Variants in RNF157 observed in about 807,000 individuals in gnomAD.
RNF157 encodes E3 ubiquitin ligase RNF157.
RNF157 carries 55 observed loss-of-function variants against 88.3 expected under a neutral mutation model. The observed-to-expected ratio is 0.62, with a 90% CI of 0.50 to 0.78. The LOEUF (loss-of-function observed/expected upper bound fraction) is 0.78. Ranked by LOEUF, RNF157 falls within the 30% of genes least tolerant of loss-of-function variation. The pLI, the probability that RNF157 is intolerant of heterozygous loss-of-function variation, is 0.00. For missense variants in RNF157, 788 were observed against 860.8 expected (o/e 0.92, Z 1.06); for synonymous variants, 334 against 341.2 (o/e 0.98, Z 0.23).
In RNF157 at chr17:76,205,326, G is replaced by A. The variant is rs560152646; in HGVS notation, c.207+7038C>T. 2.3e-4 allele frequency among the ~76,000 whole-genome samples: 35 copies of A among 151,196 alleles called. No individual in the cohort carries two copies. The South Asian group carries it at 2.7e-3, about 12-fold the overall frequency. The stretch of plus-strand genomic sequence containing the variant: ...GCTAATTTTTTTTTGTAGAGTCGGG[G>A]TTTTGCTATGTTGCCCAGGCTGGTC... On this transcript the variant is annotated intron_variant, in intron 2 of 18. Coordinates refer to ENST00000269391, the MANE Select transcript of RNF157 (RefSeq NM_052916.3).
chr17:76,168,066 A>G (rs1441820666), intron 3 of RNF157, among the ~76,000 whole-genome samples: 1 of 152,104 alleles, frequency 6.6e-6, no homozygotes, highest in African/African-American at 2.4e-5. Context: ...CATAGTTTAA[A>G]TAGTTTCCTC....
At chr17:76,216,677 A>C (rs1009869271) in intron 1 of RNF157, among the ~76,000 whole-genome samples, 1 of 152,124 alleles carries the variant, frequency 6.6e-6, no homozygotes, top group Non-Finnish European at 1.5e-5. Flanking sequence ...ATCTATATCT[A>C]CTGACATTAA....
At position 76,158,450 on chromosome 17, in the gene RNF157, G is replaced by A. The variant is rs1370348087; in HGVS notation, c.1356C>T (p.Ser452=). 14 of 1,613,998 alleles carry A rather than the reference G, an allele frequency of 8.7e-6. No individual in the cohort carries two copies. Among genetic ancestry groups the A allele is most frequent in the Non-Finnish European group, 1.0e-5 (12 of 1,179,938 alleles). Reference sequence around the variant, plus strand: ...AGAGCTGTGTCTCCGACTCGCTGCAGGAATGCTCATCTTCCTCTTCATGCA... The same window carrying A: ...AGAGCTGTGTCTCCGACTCGCTGCAAGAATGCTCATCTTCCTCTTCATGCA... ...SVLHEEEDEH[S]CSESETQLSQ... Residue 452 remains serine (S), a synonymous_variant, in exon 13 of 19, where the codon TCC becomes TCT. Transcript: ENST00000269391.
intron 2 of RNF157, among the ~76,000 whole-genome samples, chr17:76,191,106 T>C (rs1568051343): frequency 6.6e-6 from 1 of 152,094 alleles, no homozygotes. Context: ...TTTTAATAAG[T>C]AGAAAATATG....
intron 1 of RNF157, among the ~76,000 whole-genome samples, chr17:76,232,267 A>T (rs1340222325): frequency 2.0e-5 from 3 of 152,136 alleles, no homozygotes. Context: ...ATGTGCCTGT[A>T]GTCCCAGCTA....
intron 2 of RNF157, among the ~76,000 whole-genome samples, chr17:76,175,948 G>GA (rs2069095979): frequency 6.6e-6 from 1 of 152,184 alleles, no homozygotes; most frequent in South Asian, 2.1e-4. Context: ...AGGTATCAAT[G>GA]AGTTCAATTG....
intron 1 of RNF157, among the ~76,000 whole-genome samples, chr17:76,221,277 G>A (rs973577002): frequency 2.6e-5 from 4 of 151,940 alleles, no homozygotes; most frequent in African/African-American, 7.3e-5. Context: ...CCAGATACAC[G>A]CTAGTGACAG....
chr17:76,204,035 G>A (rs1452861835), intron 2 of RNF157, among the ~76,000 whole-genome samples: 3 of 152,206 alleles, frequency 2.0e-5, no homozygotes, highest in Non-Finnish European at 4.4e-5. Context: ...CCAAAGTGCT[G>A]GGATTACAGG....
intron 2 of RNF157, among the ~76,000 whole-genome samples, chr17:76,181,055 C>T (rs773083131): frequency 1.3e-5 from 2 of 152,134 alleles, no homozygotes; most frequent in Non-Finnish European, 2.9e-5. Context: ...AAAAGATTCA[C>T]GTAATCATCC....
chr17:76,236,928 T>G (rs1386514525), intron 1 of RNF157, among the ~76,000 whole-genome samples: 2 of 152,080 alleles, frequency 1.3e-5, no homozygotes, highest in Non-Finnish European at 2.9e-5. Context: ...CTAAAAGAAT[T>G]CCAAAGAAAC....
At chr17:76,146,000 G>T (rs2068579750) in intron 18 of RNF157, among the ~76,000 whole-genome samples, 2 of 152,150 alleles carry the variant, frequency 1.3e-5, no homozygotes, top group Non-Finnish European at 2.9e-5. Context: ...AGAGCCTCGG[G>T]GTCCCACAGA....
At chr17:76,179,224 G>A (rs2069151718) in intron 2 of RNF157, among the ~76,000 whole-genome samples, 1 of 151,302 alleles carries the variant, frequency 6.6e-6, no homozygotes, top group Non-Finnish European at 1.5e-5. Context: ...GCGAGACTTT[G>A]TCCCCACAAA....
chr17:76,146,072 C>T lies in RNF157; in HGVS notation c.1922-719G>A, dbSNP rs2068581069. Reference sequence around the variant, plus strand: ...GCTGCCCCCACATGAGGAGTGCCAGCGCCTGTCTGGAAACCCATTCTTGGT... The same window carrying T: ...GCTGCCCCCACATGAGGAGTGCCAGTGCCTGTCTGGAAACCCATTCTTGGT... On this transcript the variant is annotated intron_variant, in intron 18 of 18. Transcript: ENST00000269391. This position sits in a 1 kb window ranked among gnomAD's most constrained non-coding sequence, Gnocchi z 4.2. Among the ~76,000 whole-genome samples, 1 of 152,178 alleles carries T rather than the reference C, an allele frequency of 6.6e-6. No individual in the cohort carries two copies. Among genetic ancestry groups the T allele is most frequent in the Non-Finnish European group, 1.5e-5 (1 of 68,024 alleles).
rs1419653428 is a variant in RNF157 at position 76,214,819 on chromosome 17, C to T, written c.89-2337G>A. On this transcript the variant is annotated intron_variant, in intron 1 of 18. Transcript: ENST00000269391. Reference sequence around the variant, plus strand: ...GGCCAAAATTCCCATCAGCCTCATCCGGACAAACCAAGGAACTGTGACAGG... The same window carrying T: ...GGCCAAAATTCCCATCAGCCTCATCTGGACAAACCAAGGAACTGTGACAGG... Among the ~76,000 whole-genome samples, 5 of 152,138 alleles carry T rather than the reference C, an allele frequency of 3.3e-5. No individual in the cohort carries two copies. The South Asian group carries it at 6.2e-4, about 19-fold the overall frequency.
chr17:76,159,230 G>C (rs1336955541), intron 12 of RNF157, 105 bp downstream of exon 12: 2 of 963,956 alleles, frequency 2.1e-6, no homozygotes, highest in Non-Finnish European at 3.3e-6. Context: ...ACAGCCCAGA[G>C]GGTTACTCTG....
At chr17:76,234,051 C>T (rs891214111) in intron 1 of RNF157, among the ~76,000 whole-genome samples, 2 of 152,322 alleles carry the variant, frequency 1.3e-5, no homozygotes, top group Middle Eastern at 3.4e-3. Context: ...GGCACAGCCA[C>T]TGCGCCACTG....
chr17:76,177,749 C>A (rs530039849), intron 2 of RNF157, among the ~76,000 whole-genome samples: 51 of 152,254 alleles, frequency 3.3e-4, no homozygotes, highest in African/African-American at 1.2e-3. Context: ...AGGTTGGGAC[C>A]ACCAGCTGCA....
At chr17:76,167,983 A>ATC (rs2068955322) in intron 3 of RNF157, among the ~76,000 whole-genome samples, 186 bp from the exon 4 acceptor site, 1 of 152,224 alleles carries the variant, frequency 6.6e-6, no homozygotes, top group Non-Finnish European at 1.5e-5. Context: ...TACTTCTGGT[A>ATC]TCTCATAGTG....
Position 76,161,160 on chromosome 17 carries a change from GAA to G in RNF157, c.1065+373_1065+374del. ...CACTGAGGCCACAAAACAGGATAAA[GAA>G]AAACAGTTACTTTCTTCGAGGATTC... On this transcript the variant is annotated intron_variant, in intron 11 of 18. Transcript: ENST00000269391. This position sits in a 1 kb window ranked among gnomAD's most constrained non-coding sequence, Gnocchi z 4.6. Among the ~76,000 whole-genome samples, 1 of 152,288 alleles carries G rather than the reference GAA, an allele frequency of 6.6e-6. No individual in the cohort carries two copies. The highest frequency in any genetic ancestry group is 2.1e-4 in the South Asian group (1 of 4,828).
Sources: gnomAD v4.1 joint callset for allele counts (sites outside exome capture counted in the v4.1 genomes callset) on GRCh38, gnomAD v4.1.1 for gene constraint, Gnocchi (gnomAD v3.1) non-coding constraint, MANE v1.5 for transcripts, NCBI Gene and HGNC (gene_info 2026-07-23, HGNC 2026-07-21) for gene names.